Variants in TAF3 observed in about 807,000 individuals in gnomAD.
TAF3 encodes transcription initiation factor TFIID subunit 3.
In TAF3, 7 loss-of-function variants were observed where a neutral mutation model predicts 80.6. That is an observed-to-expected ratio of 0.09 (90% CI 0.05 to 0.16). The LOEUF (loss-of-function observed/expected upper bound fraction) is 0.16, where lower values mean the gene tolerates loss of function less well. Among genes scored for constraint, TAF3 ranks in the 10% least tolerant of loss-of-function variants. The pLI, the probability that TAF3 is intolerant of heterozygous loss-of-function variation, is 1.00. For synonymous variants in TAF3, 444 were observed against 446.1 expected (o/e 1.00, Z 0.06); for missense variants, 921 against 1,140.2 (o/e 0.81, Z 2.77).
At chr10:7,914,215 A>G (rs545216791) in intron 2 of TAF3, among the ~76,000 whole-genome samples, 9 of 152,324 alleles carry the variant, frequency 5.9e-5, no homozygotes, top group African/African-American at 2.2e-4. Context: ...TTTCTATTAG[A>G]AATACGTATG....
intron 2 of TAF3, among the ~76,000 whole-genome samples, chr10:7,842,763 G>A (rs1250936443): frequency 6.6e-6 from 1 of 152,142 alleles, no homozygotes; most frequent in African/African-American, 2.4e-5. Context: ...AATGGGAATA[G>A]TAACCTCCAT....
intron 2 of TAF3, among the ~76,000 whole-genome samples, chr10:7,842,585 T>C (rs958749555): frequency 4.6e-5 from 7 of 152,274 alleles, no homozygotes; most frequent in African/African-American, 1.4e-4. Flanking sequence ...GCTATATATA[T>C]ATATATTTGT....
intron 2 of TAF3, among the ~76,000 whole-genome samples, chr10:7,855,326 A>G (rs374132658): frequency 2.6e-5 from 4 of 152,312 alleles, no homozygotes; most frequent in South Asian, 2.1e-4. Context: ...ACTGACTTCA[A>G]AGGGCCAAAC....
rs1186359460 is a variant in TAF3, at chr10:7,818,596, G to A, written c.-114G>A. The A allele has an allele frequency of 2.5e-5, 31 of 1,235,204 alleles. No individual in the cohort carries two copies. The highest frequency in any genetic ancestry group is 2.1e-6 in the Non-Finnish European group (2 of 933,236). The allele number at this position is 1,235,204 out of a possible 1,614,324, so 76.5% of individuals were successfully genotyped here. A position where few individuals can be genotyped will look rare whatever the true frequency, so the allele number is the denominator to read the frequency against. On this transcript the variant is annotated 5_prime_UTR_variant, in exon 1 of 7. Coordinates refer to ENST00000344293, the MANE Select transcript of TAF3 (RefSeq NM_031923.4). Reference sequence around the variant, plus strand: ...TGAGGTGGTCGCCGGGGGTCCGGGGGACCCTTTCCCCGCCGCGGAAGCCCT... The same window carrying A: ...TGAGGTGGTCGCCGGGGGTCCGGGGAACCCTTTCCCCGCCGCGGAAGCCCT...
At chr10:7,929,159 A>G (rs1441954521) in intron 2 of TAF3, among the ~76,000 whole-genome samples, 5 of 152,146 alleles carry the variant, frequency 3.3e-5, no homozygotes, top group African/African-American at 1.2e-4. Context: ...TTATACAAAG[A>G]CAGGTCTTCA....
chr10:7,859,308 AAATAAATAAAAG>A, intron 2 of TAF3, among the ~76,000 whole-genome samples: 1 of 122,640 alleles, frequency 8.2e-6, no homozygotes, highest in African/African-American at 3.1e-5. Flanking sequence ...ATAAATAAAT[AAATAAATAAAAG>A]AGAAGTGTGA....
At position 7,818,636 on chromosome 10, in the gene TAF3, G is replaced by T; in HGVS notation, c.-74G>T. The stretch of plus-strand genomic sequence containing the variant: ...GCGGAAGCCCTAGAGGATGAATCGG[G>T]GACCCTGCTAAGGTCTGGCGGCGGG... On this transcript the variant is annotated 5_prime_UTR_variant, in exon 1 of 7. The change creates a premature stop within an existing upstream ORF in the 5' untranslated region. Coordinates refer to ENST00000344293, the MANE Select transcript of TAF3 (RefSeq NM_031923.4). 1 of 1,507,688 alleles carries T rather than the reference G, an allele frequency of 6.6e-7. No individual in the cohort carries two copies. 93.4% of individuals were successfully genotyped at this position (1,507,688 alleles called of 1,614,324 possible).
intron 2 of TAF3, among the ~76,000 whole-genome samples, chr10:7,888,551 T>C (rs1487811214): frequency 1.3e-5 from 2 of 152,182 alleles, no homozygotes; most frequent in African/African-American, 2.4e-5. Flanking sequence ...TTGACAGGGC[T>C]CATTCACTCA....
Position 7,965,655 on chromosome 10 carries a change from G to A in TAF3, c.2145G>A (p.Glu715=), listed in dbSNP as rs1831563772. ...KKEKKKKKEK[E]KEKKEKEREK... is the part of the protein sequence containing the mutation. Reference sequence around the variant, plus strand: ...AGAAGAAGAAAAAGAAGGAAAAAGAGAAGGAGAAGAAGGAGAAGGAAAGAG... The same window carrying A: ...AGAAGAAGAAAAAGAAGGAAAAAGAAAAGGAGAAGAAGGAGAAGGAAAGAG... Residue 715 remains glutamate (E), a synonymous_variant, in exon 3 of 7, where the codon GAG becomes GAA. Transcript: ENST00000344293. The A allele has an allele frequency of 1.9e-6, 3 of 1,592,518 alleles. No individual in the cohort carries two copies. The highest frequency in any genetic ancestry group is 1.2e-5 in the South Asian group (1 of 86,200).
At chr10:7,891,230 G>A (rs543592308) in intron 2 of TAF3, among the ~76,000 whole-genome samples, 70 of 152,128 alleles carry the variant, frequency 4.6e-4, no homozygotes, top group Non-Finnish European at 6.3e-4. Flanking sequence ...TGATATAAAG[G>A]AGTAATTTTC....
intron 3 of TAF3, among the ~76,000 whole-genome samples, chr10:7,969,080 G>C (rs1831598532): frequency 6.6e-6 from 1 of 152,112 alleles, no homozygotes; most frequent in Non-Finnish European, 1.5e-5. Context: ...AAGGCAGGAG[G>C]ATTACTTGAG....
At chr10:7,854,236 A>T (rs574696590) in intron 2 of TAF3, among the ~76,000 whole-genome samples, 1 of 152,252 alleles carries the variant, frequency 6.6e-6, no homozygotes, top group Non-Finnish European at 1.5e-5. Flanking sequence ...AGTACTGCAC[A>T]GGAATTCTGG....
Position 7,818,682 on chromosome 10 carries a change from A to C in TAF3, c.-28A>C. The stretch of plus-strand genomic sequence containing the variant: ...GCGGGGCTGGAGAGCAGTGGCAGCA[A>C]GGGCTGCGGTGGCGTCCACGCAGCG... On this transcript the variant is annotated 5_prime_UTR_variant, in exon 1 of 7. Transcript: ENST00000344293. The C allele has an allele frequency of 6.3e-7, 1 of 1,595,746 alleles. No individual in the cohort carries two copies. Among genetic ancestry groups the C allele is most frequent in the Non-Finnish European group, 8.5e-7 (1 of 1,173,472 alleles).
At chr10:7,901,654 A>G (rs1322916726) in intron 2 of TAF3, among the ~76,000 whole-genome samples, 1 of 152,140 alleles carries the variant, frequency 6.6e-6, no homozygotes, top group East Asian at 1.9e-4. Flanking sequence ...GAGCACAGTT[A>G]TTTTGTGTAT....
At chr10:7,950,606 G>A (rs1268859087) in intron 2 of TAF3, among the ~76,000 whole-genome samples, 1 of 152,180 alleles carries the variant, frequency 6.6e-6, no homozygotes, top group African/African-American at 2.4e-5. Context: ...ACTGGATGTT[G>A]ATGAGTGTAT....
chr10:7,853,626 G>C (rs1257192542), intron 2 of TAF3, among the ~76,000 whole-genome samples: 2 of 152,178 alleles, frequency 1.3e-5, no homozygotes, highest in East Asian at 3.8e-4. Context: ...TCCTTGTTTT[G>C]CTTTAGATTA....
intron 2 of TAF3, among the ~76,000 whole-genome samples, chr10:7,905,823 C>T (rs1454901069): frequency 6.6e-6 from 1 of 151,758 alleles, no homozygotes; most frequent in Non-Finnish European, 1.5e-5. Flanking sequence ...GTGGAGGTTG[C>T]AGTGAGCTGA....
In TAF3 at chr10:8,015,556, A is replaced by T. The variant is rs982721089; in HGVS notation, c.*805A>T. 1 of 152,058 alleles carries T rather than the reference A, an allele frequency of 6.6e-6. No individual in the cohort carries two copies. Among genetic ancestry groups the T allele is most frequent in the African/African-American group, 2.4e-5 (1 of 41,426 alleles). The allele number at this position is 152,058 out of a possible 1,614,324, so 9.4% of individuals were successfully genotyped here. A position where few individuals can be genotyped will look rare whatever the true frequency, so the allele number is the denominator to read the frequency against. Reference sequence around the variant, plus strand: ...TATTTATGAAGTAGTTATTTTTTAAATTTTTATCGTGTTTAATTCTGGCTT... The same window carrying T: ...TATTTATGAAGTAGTTATTTTTTAATTTTTTATCGTGTTTAATTCTGGCTT... On this transcript the variant is annotated 3_prime_UTR_variant, in exon 7 of 7. Coordinates refer to ENST00000344293, the MANE Select transcript of TAF3 (RefSeq NM_031923.4).
intron 2 of TAF3, among the ~76,000 whole-genome samples, chr10:7,863,970 G>C (rs1270230776): frequency 1.3e-5 from 2 of 151,860 alleles, no homozygotes. Context: ...GCAAAATTGA[G>C]CAGAAAGTAC....
Sources: gnomAD v4.1 joint callset for allele counts (sites outside exome capture counted in the v4.1 genomes callset) on GRCh38, gnomAD v4.1.1 for gene constraint, MANE v1.5 for transcripts, NCBI Gene and HGNC (gene_info 2026-07-23, HGNC 2026-07-21) for gene names.